Variants in CCNT2 observed in about 807,000 individuals in gnomAD.
CCNT2 encodes the protein cyclin T2, also known as cyclin-T2.
CCNT2 carries 18 observed loss-of-function variants against 70.0 expected under a neutral mutation model. That is an observed-to-expected ratio of 0.26 (90% confidence interval 0.18 to 0.38). The LOEUF (loss-of-function observed/expected upper bound fraction) is 0.38. CCNT2 is among the 10% of genes least tolerant of loss of function. The pLI is 1.00. For missense variants in CCNT2, 734 were observed against 890.2 expected (o/e 0.82, Z 2.23); for synonymous variants, 334 against 313.3 (o/e 1.07, Z -0.70).
chr2:134,946,013 C>G, intron 5 of CCNT2, 88 bp from the exon 6 acceptor site: 1 of 1,606,508 alleles, frequency 6.2e-7, no homozygotes, highest in Non-Finnish European at 8.5e-7. Flanking sequence ...GTGTACAAAT[C>G]TTTGAAGTTT....
Position 134,953,414 on chromosome 2 carries a change from T to G in CCNT2, c.959T>G (p.Ile320Ser). The change falls in exon 9 of 9, where the codon ATT becomes AGT. Residue 320 changes from isoleucine (I) to serine (S), a missense_variant. Transcript: ENST00000264157. ...PAPVPLNSGN[I>S]SVQDSHTSDN... is the part of the protein sequence containing the mutation. ...CCAGTACCTCTAAATTCAGGAAATA[T>G]TTCTGTTCAAGACAGCCATACATCT... is the stretch of plus-strand genomic sequence containing the variant. 1 of 1,607,772 alleles carries G rather than the reference T, an allele frequency of 6.2e-7. No homozygotes were observed. The highest frequency in any genetic ancestry group is 8.5e-7 in the Non-Finnish European group (1 of 1,176,666).
intron 5 of CCNT2, 165 bp from the exon 6 acceptor site, chr2:134,945,936 T>C (rs2105070871): frequency 6.5e-7 from 1 of 1,539,858 alleles, no homozygotes; most frequent in South Asian, 1.2e-5. Context: ...TGTTGAAGAT[T>C]TTCAGTAGTA....
At chr2:134,943,104 C>A (rs1164979605) in intron 5 of CCNT2, 1 of 985,044 alleles carries the variant, frequency 1.0e-6, no homozygotes, top group East Asian at 1.1e-4. Context: ...ATAAAAATTG[C>A]CTTTGTTAAA....
intron 5 of CCNT2, chr2:134,943,010 T>A (rs1486419746): frequency 1.0e-6 from 1 of 985,200 alleles, no homozygotes; most frequent in Non-Finnish European, 1.2e-6. Context: ...GAAAATAATA[T>A]TAATTTTGGG....
At chr2:134,922,769 A>G (rs1423689467) in intron 2 of CCNT2, among the ~76,000 whole-genome samples, 1 of 152,142 alleles carries the variant, frequency 6.6e-6, no homozygotes, top group Non-Finnish European at 1.5e-5. Context: ...CAAACTCCTA[A>G]TTTGGTCTTT....
Position 134,946,150 on chromosome 2 carries a change from G to T in CCNT2, c.539+4G>T. The T allele has an allele frequency of 6.2e-7, 1 of 1,607,994 alleles. No homozygotes were observed. ...CCTATTTCATGGCTACCAACAGGTTGTTATCCTGACCCTCTTTGTTGCACT... is the reference window on the plus strand; with the variant it reads ...CCTATTTCATGGCTACCAACAGGTTTTTATCCTGACCCTCTTTGTTGCACT... On this transcript the variant is annotated splice_donor_region_variant and intron_variant, in intron 6 of 8. Coordinates refer to ENST00000264157, the MANE Select transcript of CCNT2 (RefSeq NM_058241.3).
intron 2 of CCNT2, chr2:134,920,168 T>C: frequency 3.6e-6 from 1 of 278,884 alleles, no homozygotes; most frequent in Middle Eastern, 1.2e-3. Flanking sequence ...TTTCTTCATT[T>C]AAATTCTATA....
chr2:134,954,259 C>T lies in CCNT2; in HGVS notation c.1804C>T (p.Pro602Ser), dbSNP rs1220107967. ...AATACCACCCACTGTTCTGAGGAGT[C>T]CTGTTGGCCTGAGCAGTGATGGCAT... The part of the protein sequence containing the change: ...DGIPPTVLRS[P>S]VGLSSDGISS... Residue 602 changes from proline (P) to serine (S), a missense_variant, in exon 9 of 9, where the codon CCT (proline) becomes TCT (serine). Pro to Ser is a moderately conservative substitution (Grantham distance 74). This residue lies in a region of CCNT2 where 532 missense variants were observed against 556.9 expected (regional missense o/e 0.96). Transcript: ENST00000264157. The T allele has an allele frequency of 1.9e-6, 3 of 1,614,038 alleles. No homozygotes were observed. The highest frequency in any genetic ancestry group is 3.3e-5 in the Admixed American group (2 of 59,996).
intron 4 of CCNT2, among the ~76,000 whole-genome samples, chr2:134,942,361 A>G (rs45490499): frequency 0.027 from 4,153 of 152,220 alleles, 198 homozygotes; most frequent in African/African-American, 0.093. Flanking sequence ...TTTTAAGATA[A>G]TCCCGAATCA....
chr2:134,940,219 A>T (rs1681469410), intron 4 of CCNT2, among the ~76,000 whole-genome samples: 1 of 152,186 alleles, frequency 6.6e-6, no homozygotes, highest in African/African-American at 2.4e-5. Flanking sequence ...TGAAATACAT[A>T]TGCAGTTGAC....
At chr2:134,925,671 C>T (rs1036287312) in intron 2 of CCNT2, among the ~76,000 whole-genome samples, 1 of 152,012 alleles carries the variant, frequency 6.6e-6, no homozygotes, top group African/African-American at 2.4e-5. Flanking sequence ...ATATGTTCAT[C>T]AGTTGGTGGG....
chr2:134,935,634 T>C (rs1238426625), intron 2 of CCNT2, among the ~76,000 whole-genome samples: 1 of 152,216 alleles, frequency 6.6e-6, no homozygotes, highest in East Asian at 1.9e-4. Context: ...ATTTCTTGAA[T>C]GTAATCTTAA....
At chr2:134,948,262 T>C (rs1315877910) in intron 7 of CCNT2, among the ~76,000 whole-genome samples, 1 of 152,208 alleles carries the variant, frequency 6.6e-6, no homozygotes, top group Non-Finnish European at 1.5e-5. Context: ...AGGGCTGCGG[T>C]AAGCCTTGAA....
At chr2:134,924,881 C>A in intron 2 of CCNT2, among the ~76,000 whole-genome samples, 1 of 152,240 alleles carries the variant, frequency 6.6e-6, no homozygotes, top group Middle Eastern at 3.4e-3. Flanking sequence ...GTTTCCCCTC[C>A]ATCTTTTTAT....
chr2:134,919,900 T>C lies in CCNT2; in HGVS notation c.240+9T>C. ...CCAAATTCAACAAAAATGTAAGTAC[T>C]AGTTGTCTGTTTTTACTGTCCGCAA... On this transcript the variant is annotated intron_variant, in intron 2 of 8. Coordinates refer to ENST00000264157, the MANE Select transcript of CCNT2 (RefSeq NM_058241.3). 4.4e-6 allele frequency: 7 copies of C among 1,575,994 alleles called. No individual in the cohort carries two copies. The highest frequency in any genetic ancestry group is 6.0e-6 in the Non-Finnish European group (7 of 1,161,250).
At chr2:134,947,688 A>G (rs371152422) in intron 6 of CCNT2, 48 bp from the exon 7 acceptor site, 4 of 1,348,132 alleles carry the variant, frequency 3.0e-6, no homozygotes, top group East Asian at 2.6e-5. Context: ...TTTGTTTTAC[A>G]TACTTGAATT....
At chr2:134,948,471 G>A (rs1403029640) in intron 7 of CCNT2, among the ~76,000 whole-genome samples, 2 of 152,284 alleles carry the variant, frequency 1.3e-5, no homozygotes, top group African/African-American at 2.4e-5. Context: ...AGCAGTAAAC[G>A]AAAGGGATTT....
At chr2:134,925,608 TTTC>T (rs1386561569) in intron 2 of CCNT2, among the ~76,000 whole-genome samples, 2 of 152,198 alleles carry the variant, frequency 1.3e-5, no homozygotes, top group Non-Finnish European at 2.9e-5. Flanking sequence ...GTTGTTTACT[TTTC>T]TTGCTGTACT....
At chr2:134,949,811 G>GGT (rs1682324065) in intron 7 of CCNT2, among the ~76,000 whole-genome samples, 1 of 130,674 alleles carries the variant, frequency 7.7e-6, no homozygotes, top group African/African-American at 2.8e-5. Context: ...TCGGGGGGGG[G>GGT]GTGGGGGACA....
Sources: allele counts gnomAD v4.1 joint callset (sites outside exome capture counted in the v4.1 genomes callset), GRCh38; gene constraint gnomAD v4.1.1; regional missense constraint gnomAD v4.1.1; transcripts MANE v1.5; gene names NCBI Gene and HGNC (gene_info 2026-07-23, HGNC 2026-07-21).